Variants in SLC16A9 observed in about 807,000 individuals in gnomAD.
SLC16A9 encodes the protein monocarboxylate transporter 9.
Under a neutral mutation model 44.3 loss-of-function variants are expected in SLC16A9, and 26 were observed. The observed-to-expected ratio is 0.59, with a 90% CI of 0.43 to 0.81. SLC16A9 has a LOEUF of 0.81. SLC16A9 is among the 40% of genes least tolerant of loss of function. SLC16A9 has a pLI of 0.00. For missense variants in SLC16A9, 559 were observed against 595.8 expected (o/e 0.94, Z 0.64); for synonymous variants, 230 against 225.1 (o/e 1.02, Z -0.19).
chr10:59,694,097 C>G (rs1404026412), intron 1 of SLC16A9, among the ~76,000 whole-genome samples: 1 of 151,928 alleles, frequency 6.6e-6, no homozygotes, highest in East Asian at 1.9e-4. Context: ...GCCACCACGC[C>G]CGGTAACTTT....
chr10:59,693,273 T>C (rs150213036), intron 1 of SLC16A9, among the ~76,000 whole-genome samples: 2,456 of 152,358 alleles, frequency 0.016, 73 homozygotes, highest in African/African-American at 0.056. Flanking sequence ...TTGATTGATG[T>C]ATTAGCAAAT....
rs553762455 is a variant in SLC16A9, at chr10:59,652,791, T to G, written c.1511A>C (p.Lys504Thr). 1 of 1,611,614 alleles carries G rather than the reference T, an allele frequency of 6.2e-7. No individual in the cohort carries two copies. The highest frequency in any genetic ancestry group is 2.2e-5 in the East Asian group (1 of 44,798). Residue 504 changes from lysine (K) to threonine (T), a missense_variant, in exon 6 of 6, where the codon AAA becomes ACA. Coordinates refer to ENST00000395348, the MANE Select transcript of SLC16A9 (RefSeq NM_194298.3). The stretch of plus-strand genomic sequence containing the variant: ...ATTCTTCTAAACATTAGAGGCAACT[T>G]TGTACAAGAAAGTTGTTGGAGCTGG... ...PKPAPTTFLY[K>T]VASNV is the part of the protein sequence containing the mutation.
intron 3 of SLC16A9, among the ~76,000 whole-genome samples, chr10:59,664,553 C>T (rs1377960353): frequency 2.0e-5 from 3 of 152,082 alleles, no homozygotes; most frequent in African/African-American, 7.2e-5. Flanking sequence ...AAAAAGTATC[C>T]AATTTCTAAA....
At chr10:59,665,161 A>T (rs1404831067) in intron 3 of SLC16A9, among the ~76,000 whole-genome samples, 1 of 152,176 alleles carries the variant, frequency 6.6e-6, no homozygotes, top group Non-Finnish European at 1.5e-5. Context: ...CTTCCCTTTT[A>T]AGAATCTGAC....
Position 59,681,712 on chromosome 10 carries a change from A to G in SLC16A9, c.196+2384T>C, listed in dbSNP as rs1564705882. Among the ~76,000 whole-genome samples, 8 of 16,942 alleles carry G rather than the reference A, an allele frequency of 4.7e-4. 3 individuals are homozygous for G. Among genetic ancestry groups the G allele is most frequent in the African/African-American group, 9.9e-4 (7 of 7,090 alleles). The allele number at this position is 16,942 out of a possible 152,430, so 11.1% of individuals were successfully genotyped here. ...TATGTATATATATATGTATATGTATATGTATATGATGTATATGTATATGTA... is the reference window on the plus strand; with the variant it reads ...TATGTATATATATATGTATATGTATGTGTATATGATGTATATGTATATGTA... On this transcript the variant is annotated intron_variant, in intron 2 of 5. Coordinates refer to ENST00000395348, the MANE Select transcript of SLC16A9 (RefSeq NM_194298.3).
chr10:59,673,472 G>T (rs934796463), intron 2 of SLC16A9, among the ~76,000 whole-genome samples: 1 of 152,158 alleles, frequency 6.6e-6, no homozygotes, highest in Non-Finnish European at 1.5e-5. Flanking sequence ...AGAAATAAAA[G>T]GACGTTAAGG....
Position 59,653,957 on chromosome 10 carries a change from T to C in SLC16A9, c.1069A>G (p.Lys357Glu). 6.2e-7 allele frequency: 1 copy of C among 1,614,000 alleles called. No individual in the cohort carries two copies. Among genetic ancestry groups the C allele is most frequent in the Admixed American group, 1.7e-5 (1 of 60,024 alleles). ...SIIGIMTAVG[K>E]LLLGILADFK... ...TCAGCCAGTATCCCTAAAAGCAGTT[T>C]ACCAACTGCTGTCATAATGCCTATA... Residue 357 changes from lysine (K) to glutamate (E), a missense_variant, in exon 5 of 6, where the codon AAA becomes GAA. Physicochemically the swap from Lys to Glu is moderately conservative, Grantham distance 56. Transcript: ENST00000395348.
Position 59,675,576 on chromosome 10 carries a change from A to G in SLC16A9, c.197-2663T>C, listed in dbSNP as rs533640624. ...GGAGCTGGTGATCAGCAGCTTCCCA[A>G]TAAGATCTCAGGAGTTGGACAAGTG... On this transcript the variant is annotated intron_variant, in intron 2 of 5. Coordinates refer to ENST00000395348, the MANE Select transcript of SLC16A9 (RefSeq NM_194298.3). 3.5e-4 allele frequency among the ~76,000 whole-genome samples: 53 copies of G among 152,322 alleles called. No homozygotes were observed. In the South Asian group the frequency reaches 8.7e-3, roughly 25 times the overall value.
At chr10:59,683,049 T>G (rs1482594653) in intron 2 of SLC16A9, among the ~76,000 whole-genome samples, 2 of 152,158 alleles carry the variant, frequency 1.3e-5, no homozygotes, top group Non-Finnish European at 2.9e-5. Flanking sequence ...GAGAAGCATA[T>G]TTAAAAGAAG....
chr10:59,702,278 A>T (rs1321240174), intron 1 of SLC16A9, among the ~76,000 whole-genome samples: 1 of 152,252 alleles, frequency 6.6e-6, no homozygotes, highest in Middle Eastern at 3.2e-3. Context: ...TGAGTAAAAA[A>T]ATTAAAATCC....
At chr10:59,675,077 C>T (rs1419820775) in intron 2 of SLC16A9, among the ~76,000 whole-genome samples, 1 of 152,182 alleles carries the variant, frequency 6.6e-6, no homozygotes, top group African/African-American at 2.4e-5. Context: ...TTAAAATTCT[C>T]TACTTTCACA....
chr10:59,687,508 C>T (rs1840159981), intron 1 of SLC16A9, among the ~76,000 whole-genome samples: 1 of 152,148 alleles, frequency 6.6e-6, no homozygotes. Context: ...ATGTTTTCTA[C>T]TACTGAAGCA....
Position 59,661,033 on chromosome 10 carries a change from C to T in SLC16A9, c.436+3194G>A, listed in dbSNP as rs529720035. On this transcript the variant is annotated intron_variant, in intron 4 of 5. Coordinates refer to ENST00000395348, the MANE Select transcript of SLC16A9 (RefSeq NM_194298.3). Reference sequence around the variant, plus strand: ...ATAATAAGATCTATTTCTGACAAACCGACAGCCAATATTATATTGAATGGG... The same window carrying T: ...ATAATAAGATCTATTTCTGACAAACTGACAGCCAATATTATATTGAATGGG... Among the ~76,000 whole-genome samples, 144 of 152,178 alleles carry T rather than the reference C, an allele frequency of 9.5e-4. 1 individual carries two copies. Among genetic ancestry groups the T allele is most frequent in the African/African-American group, 3.2e-3 (133 of 41,498 alleles).
chr10:59,694,834 A>ATG (rs1484016433), intron 1 of SLC16A9, among the ~76,000 whole-genome samples: 2 of 33,336 alleles, frequency 6.0e-5, no homozygotes, highest in Non-Finnish European at 1.8e-4. Context: ...ACACACACAC[A>ATG]TATATATACA....
At chr10:59,656,588 AT>A (rs936646529) in intron 4 of SLC16A9, among the ~76,000 whole-genome samples, 145 of 152,212 alleles carry the variant, frequency 9.5e-4, no homozygotes, top group Non-Finnish European at 4.3e-4. Context: ...AAGATACAGG[AT>A]TTTTTTCCCC....
chr10:59,704,820 T>A (rs1262591629), intron 1 of SLC16A9, among the ~76,000 whole-genome samples: 1 of 152,280 alleles, frequency 6.6e-6, no homozygotes, highest in Non-Finnish European at 1.5e-5. Context: ...TTCTTTCAGT[T>A]AGCAAACGTT....
chr10:59,654,317 T>C lies in SLC16A9; in HGVS notation c.709A>G (p.Lys237Glu). 6.2e-7 allele frequency: 1 copy of C among 1,614,200 alleles called. No individual in the cohort carries two copies. The highest frequency in any genetic ancestry group is 8.5e-7 in the Non-Finnish European group (1 of 1,180,032). The change falls in exon 5 of 6, where the codon AAA (lysine) becomes GAA (glutamate). Residue 237 changes from lysine to glutamate, a missense_variant. Coordinates refer to ENST00000395348, the MANE Select transcript of SLC16A9 (RefSeq NM_194298.3). ...ILDKSYSSEE[K>E]CRITLANGDW... ...CCATTGGCTAACGTGATCCTGCATTTTTCCTCACTACTGTAGCTCTTGTCA... is the reference window on the plus strand; with the variant it reads ...CCATTGGCTAACGTGATCCTGCATTCTTCCTCACTACTGTAGCTCTTGTCA...
chr10:59,653,605 G>A lies in SLC16A9; in HGVS notation c.1351+70C>T, dbSNP rs985607072. 11 of 1,310,272 alleles carry A rather than the reference G, an allele frequency of 8.4e-6. No homozygotes were observed. The African/African-American group carries it at 1.6e-4, about 19-fold the overall frequency. The allele number at this position is 1,310,272 out of a possible 1,614,324, so 81.2% of individuals were successfully genotyped here. On this transcript the variant is annotated intron_variant, in intron 5 of 5. Coordinates refer to ENST00000395348, the MANE Select transcript of SLC16A9 (RefSeq NM_194298.3). Reference sequence around the variant, plus strand: ...CAAATCTGTGCTACTATTACAATCTGGACCTCTATATCTGGAGATATGACA... The same window carrying A: ...CAAATCTGTGCTACTATTACAATCTAGACCTCTATATCTGGAGATATGACA...
At chr10:59,705,221 G>GT (rs1222533320) in intron 1 of SLC16A9, among the ~76,000 whole-genome samples, 1 of 151,674 alleles carries the variant, frequency 6.6e-6, no homozygotes, top group Non-Finnish European at 1.5e-5. Flanking sequence ...CACTGAAAGT[G>GT]TAAGATAAAA....
Sources: allele counts gnomAD v4.1 joint callset (sites outside exome capture counted in the v4.1 genomes callset), GRCh38; gene constraint gnomAD v4.1.1; transcripts MANE v1.5; gene names NCBI Gene and HGNC (gene_info 2026-07-23, HGNC 2026-07-21).